Variants in WDHD1 observed in about 807,000 individuals in gnomAD.
WDHD1 encodes WD repeat and HMG-box DNA binding protein 1.
Under a neutral mutation model 135.4 loss-of-function variants are expected in WDHD1, and 111 were observed. The observed-to-expected ratio is 0.82, with a 90% CI of 0.70 to 0.96. The LOEUF is 0.96. WDHD1 is among the 40% of genes least tolerant of loss of function. WDHD1 has a pLI of 0.00. For missense variants in WDHD1, 1,351 were observed against 1,336.3 expected (o/e 1.01, Z -0.17); for synonymous variants, 434 against 439.0 (o/e 0.99, Z 0.14).
intron 18 of WDHD1, among the ~76,000 whole-genome samples, chr14:54,965,124 G>C (rs1160363146): frequency 1.3e-5 from 2 of 152,158 alleles, no homozygotes; most frequent in African/African-American, 4.8e-5. Context: ...AAAATTAAAA[G>C]TCTGGACCAT....
intron 7 of WDHD1, 29 bp downstream of exon 7, chr14:55,007,251 A>ATT: frequency 6.7e-7 from 1 of 1,498,954 alleles, no homozygotes; most frequent in Non-Finnish European, 9.0e-7. Context: ...AAAAAAAAAG[A>ATT]AAAGAAAAGA....
chr14:54,997,907 G>A lies in WDHD1; in HGVS notation c.943-2094C>T, dbSNP rs562618039. Among the ~76,000 whole-genome samples, 98 of 118,848 alleles carry A rather than the reference G, an allele frequency of 8.2e-4. No homozygotes were observed. The South Asian group carries it at 0.023, about 28-fold the overall frequency. The allele number at this position is 118,848 out of a possible 152,430, so 78.0% of individuals were successfully genotyped here. ...GCTTGGGCAACAAGAGCGGAACTCC[G>A]TCTCAAAAAAAAAAAATGGGGAGGC... On this transcript the variant is annotated intron_variant, in intron 10 of 25. Coordinates refer to ENST00000360586, the MANE Select transcript of WDHD1 (RefSeq NM_007086.4).
intron 4 of WDHD1, among the ~76,000 whole-genome samples, chr14:55,009,167 T>C (rs2042123038): frequency 6.6e-6 from 1 of 152,228 alleles, no homozygotes; most frequent in African/African-American, 2.4e-5. Flanking sequence ...GCTTACCTTT[T>C]AGTTTTGCTC....
At chr14:54,976,463 T>C (rs547812467) in intron 16 of WDHD1, among the ~76,000 whole-genome samples, 5 of 152,244 alleles carry the variant, frequency 3.3e-5, no homozygotes, top group African/African-American at 7.2e-5. Flanking sequence ...TCCCGATGTG[T>C]TGGGATTACA....
chr14:54,991,750 T>C (rs569255961), intron 11 of WDHD1, among the ~76,000 whole-genome samples: 1 of 152,316 alleles, frequency 6.6e-6, no homozygotes, highest in African/African-American at 2.4e-5. Context: ...GATGGTTGTC[T>C]TGAAAAAAAG....
chr14:54,996,766 G>T (rs1412713007), intron 10 of WDHD1, among the ~76,000 whole-genome samples: 1 of 152,074 alleles, frequency 6.6e-6, no homozygotes, highest in Non-Finnish European at 1.5e-5. Flanking sequence ...AGATTAAAAA[G>T]TATTACATCA....
intron 18 of WDHD1, among the ~76,000 whole-genome samples, chr14:54,963,543 G>A (rs866106544): frequency 1.3e-4 from 20 of 152,170 alleles, no homozygotes; most frequent in African/African-American, 4.8e-4. Flanking sequence ...GGTGGCTCAC[G>A]CCTGTAATAC....
chr14:54,954,670 C>T (rs1288842665), intron 24 of WDHD1, among the ~76,000 whole-genome samples: 1 of 152,168 alleles, frequency 6.6e-6, no homozygotes, highest in Non-Finnish European at 1.5e-5. Flanking sequence ...TCTATCTATC[C>T]ATCCATTTAT....
chr14:54,988,771 A>C (rs2041735998), intron 13 of WDHD1, among the ~76,000 whole-genome samples: 1 of 151,886 alleles, frequency 6.6e-6, no homozygotes, highest in Admixed American at 6.6e-5. Context: ...ATGTAAAAAA[A>C]AAATCCCATC....
chr14:54,955,502 T>C, intron 24 of WDHD1, 59 bp downstream of exon 24: 1 of 1,396,352 alleles, frequency 7.2e-7, no homozygotes, highest in Non-Finnish European at 9.3e-7. Context: ...AATTTTGTAT[T>C]GCTGCTACTG....
intron 24 of WDHD1, among the ~76,000 whole-genome samples, chr14:54,945,280 T>C (rs989627569): frequency 2.6e-5 from 4 of 152,216 alleles, no homozygotes; most frequent in African/African-American, 9.6e-5. Context: ...ACAATACAAA[T>C]TGTCTTTAAG....
intron 12 of WDHD1, among the ~76,000 whole-genome samples, chr14:54,989,675 T>G (rs2041752992): frequency 6.6e-6 from 1 of 152,112 alleles, no homozygotes; most frequent in Non-Finnish European, 1.5e-5. Flanking sequence ...TTTTTTTTTT[T>G]TTTGGAGACA....
intron 16 of WDHD1, among the ~76,000 whole-genome samples, chr14:54,973,395 G>C (rs1327152357): frequency 6.6e-6 from 1 of 152,108 alleles, no homozygotes; most frequent in Non-Finnish European, 1.5e-5. Context: ...CCTTTCTTGT[G>C]AGATTCAAAT....
chr14:54,995,633 G>T lies in WDHD1; in HGVS notation c.1123C>A (p.His375Asn). 6.2e-7 allele frequency: 1 copy of T among 1,608,906 alleles called. No individual in the cohort carries two copies. Among genetic ancestry groups the T allele is most frequent in the South Asian group, 1.1e-5 (1 of 90,278 alleles). ...MASGRPRQRS[H>N]ILEDDENSVD... is the part of the protein sequence containing the mutation. ...GAGTTTTCATCATCTTCTAGGATGT[G>T]ACTTCGCTGTCTAGGACGACCTGAA... Residue 375 changes from histidine (H) to asparagine (N), a missense_variant, in exon 11 of 26, where the codon CAC (histidine) becomes AAC (asparagine). Physicochemically the swap from His to Asn is moderately conservative, Grantham distance 68. This residue lies in a region of WDHD1 where 1,330 missense variants were observed against 1,296.1 expected (regional missense o/e 1.03). Transcript: ENST00000360586.
At chr14:54,995,270 C>T (rs969246935) in intron 11 of WDHD1, among the ~76,000 whole-genome samples, 15 of 152,122 alleles carry the variant, frequency 9.9e-5, no homozygotes, top group African/African-American at 3.4e-4. Context: ...CGTGAGCCAC[C>T]GTGCCCGGCC....
At position 54,963,128 on chromosome 14, in the gene WDHD1, A is replaced by T. The variant is rs916644941; in HGVS notation, c.2355T>A (p.Ala785=). ...LEREFRCVEL[A]DLMTQNAVNL... ...TCACAGCATTTTGAGTCATTAGATCAGCAAGTTCCACACAACGGAATTCTC... is the reference window on the plus strand; with the variant it reads ...TCACAGCATTTTGAGTCATTAGATCTGCAAGTTCCACACAACGGAATTCTC... Residue 785 remains alanine, a synonymous_variant, in exon 19 of 26, where the codon GCT becomes GCA. Coordinates refer to ENST00000360586, the MANE Select transcript of WDHD1 (RefSeq NM_007086.4). 2.9e-6 allele frequency: 4 copies of T among 1,364,818 alleles called. No homozygotes were observed. In the African/African-American group the frequency reaches 6.2e-5, roughly 21 times the overall value. 84.5% of individuals were successfully genotyped at this position (1,364,818 alleles called of 1,614,324 possible).
intron 18 of WDHD1, among the ~76,000 whole-genome samples, chr14:54,963,778 C>T (rs915742444): frequency 1.6e-4 from 20 of 123,558 alleles, no homozygotes; most frequent in Non-Finnish European, 2.1e-4. Flanking sequence ...CCAGCCTGGG[C>T]GAGAAAGCGA....
At chr14:54,942,911 G>A (rs539158426) in intron 25 of WDHD1, among the ~76,000 whole-genome samples, 11 of 152,324 alleles carry the variant, frequency 7.2e-5, no homozygotes, top group African/African-American at 2.4e-4. Context: ...CTCTTTTGCA[G>A]TGTAAAGTCT....
chr14:54,975,468 C>A (rs2041510520), intron 16 of WDHD1, among the ~76,000 whole-genome samples: 1 of 152,018 alleles, frequency 6.6e-6, no homozygotes, highest in African/African-American at 2.4e-5. Flanking sequence ...TTGCCTCAGC[C>A]TCCCAAGTAG....
Sources: gnomAD v4.1 joint callset for allele counts (sites outside exome capture counted in the v4.1 genomes callset) on GRCh38, gnomAD v4.1.1 for gene constraint, gnomAD v4.1.1 regional missense constraint, MANE v1.5 for transcripts, NCBI Gene and HGNC (gene_info 2026-07-23, HGNC 2026-07-21) for gene names.